Variants in SYNJ2 observed in about 807,000 individuals in gnomAD.
SYNJ2 encodes synaptojanin 2, also known as polyphosphatidylinositol phosphatase SYNJ2.
A neutral mutation model predicts 141.3 loss-of-function variants in SYNJ2; 116 were observed. That is an observed-to-expected ratio of 0.82 (90% CI 0.71 to 0.96). The LOEUF (loss-of-function observed/expected upper bound fraction) is 0.96, where lower values mean the gene tolerates loss of function less well. Ranked by LOEUF, SYNJ2 falls within the 40% of genes least tolerant of loss-of-function variation. The pLI, the probability that SYNJ2 is intolerant of heterozygous loss-of-function variation, is 0.00. For synonymous variants in SYNJ2, 745 were observed against 777.7 expected, an observed-to-expected ratio of 0.96 and a Z score of 0.70; for missense variants, 1,873 against 1,934.8, an observed-to-expected ratio of 0.97 and a Z score of 0.60.
intron 1 of SYNJ2, chr6:158,001,116 A>C: frequency 6.7e-6 from 1 of 150,008 alleles, no homozygotes; most frequent in Non-Finnish European, 1.5e-5. Context: ...CCCAGCTCTT[A>C]GTGACTCTAG....
rs71542910 is a variant in SYNJ2 at position 157,989,908 on chromosome 6, T to TGGGG, written c.127+7825_127+7828dup. 1.8e-4 allele frequency among the ~76,000 whole-genome samples: 27 copies of TGGGG among 151,714 alleles called. No homozygotes were observed. In the South Asian group the frequency reaches 5.0e-3, roughly 28 times the overall value. The stretch of plus-strand genomic sequence containing the variant: ...GTCTTCCTGACCCTGTGGGCTTTTC[T>TGGGG]GGGGGGGGCTAGGAGGCTCTGCCAA... On this transcript the variant is annotated intron_variant, in intron 1 of 26. Transcript: ENST00000355585.
At chr6:157,984,828 C>A (rs903038148) in intron 1 of SYNJ2, among the ~76,000 whole-genome samples, 2 of 152,170 alleles carry the variant, frequency 1.3e-5, no homozygotes, top group East Asian at 3.8e-4. Flanking sequence ...AGTTCCGAGT[C>A]GGGGGTAGCT....
At chr6:158,022,139 T>C (rs556405861) in intron 2 of SYNJ2, among the ~76,000 whole-genome samples, 2 of 152,322 alleles carry the variant, frequency 1.3e-5, no homozygotes, top group Admixed American at 6.5e-5. Context: ...TCAAGGGTCA[T>C]CTGGCCGAAG....
At chr6:158,083,344 G>A (rs1782822314) in intron 20 of SYNJ2, 85 bp from the exon 21 acceptor site, 19 of 1,506,452 alleles carry the variant, frequency 1.3e-5, no homozygotes, top group Non-Finnish European at 1.5e-5. Context: ...TTGAGGGTGT[G>A]TGGGTTTTGG....
At chr6:158,042,095 C>T (rs1263551574) in intron 4 of SYNJ2, among the ~76,000 whole-genome samples, 8 of 152,350 alleles carry the variant, frequency 5.3e-5, no homozygotes, top group Admixed American at 1.3e-4. Context: ...GCACACACGC[C>T]GGTCAGTTGT....
chr6:158,043,810 G>T lies in SYNJ2; in HGVS notation c.795+411G>T, dbSNP rs1302531744. ...TCAGGAAGGCTCTGTGGCTGCGTAG[G>T]TCTGGCACCCGGTGCTGCCTGTTGT... On this transcript the variant is annotated intron_variant, in intron 5 of 26. Transcript: ENST00000355585. The surrounding 1 kb of genome is among the most constrained non-coding windows in gnomAD (Gnocchi z 4.0). Among the ~76,000 whole-genome samples, 1 of 152,280 alleles carries T rather than the reference G, an allele frequency of 6.6e-6. No individual in the cohort carries two copies. Among genetic ancestry groups the T allele is most frequent in the African/African-American group, 2.4e-5 (1 of 41,564 alleles).
chr6:158,009,637 C>G (rs1267790486), intron 1 of SYNJ2, among the ~76,000 whole-genome samples: 1 of 152,156 alleles, frequency 6.6e-6, no homozygotes, highest in African/African-American at 2.4e-5. Flanking sequence ...GGAAATGCAA[C>G]TAAAAGCGTG....
chr6:158,055,550 A>G (rs1562362957), intron 6 of SYNJ2, among the ~76,000 whole-genome samples: 1 of 150,246 alleles, frequency 6.7e-6, no homozygotes, highest in Non-Finnish European at 1.5e-5. Flanking sequence ...TAAATACACA[A>G]ATTGGATCAT....
rs745323065 is a variant in SYNJ2, at chr6:158,064,618, C to A, written c.1227C>A (p.Leu409=). 8 of 1,613,848 alleles carry A rather than the reference C, an allele frequency of 5.0e-6. No individual in the cohort carries two copies. The Admixed American group carries it at 6.7e-5, about 13-fold the overall frequency. The change falls in exon 10 of 27, where the codon CTC becomes CTA. Residue 409 remains leucine (L), a synonymous_variant. Coordinates refer to ENST00000355585, the MANE Select transcript of SYNJ2 (RefSeq NM_003898.4). The part of the protein sequence containing the change: ...FIALEVLHLQ[L]KTLGLSSKPI... The stretch of plus-strand genomic sequence containing the variant: ...CTCCCCAGGTCCTGCATCTGCAGCT[C>A]AAGACCCTGGGGCTGAGTTCAAAAC...
At chr6:158,090,905 T>A (rs1407682962) in intron 25 of SYNJ2, among the ~76,000 whole-genome samples, 1 of 152,164 alleles carries the variant, frequency 6.6e-6, no homozygotes, top group Non-Finnish European at 1.5e-5. Context: ...TTAGTCAGCA[T>A]GTTTAACTTC....
chr6:158,046,105 G>C (rs892664286), intron 5 of SYNJ2, among the ~76,000 whole-genome samples: 8 of 152,222 alleles, frequency 5.3e-5, no homozygotes, highest in African/African-American at 1.7e-4. Flanking sequence ...ACCATGCCTG[G>C]CTAATTTTTT....
At chr6:157,987,431 T>A (rs1562306769) in intron 1 of SYNJ2, among the ~76,000 whole-genome samples, 1 of 152,156 alleles carries the variant, frequency 6.6e-6, no homozygotes, top group Non-Finnish European at 1.5e-5. Context: ...GGTGGAGTCT[T>A]GCTCTCTCAC....
intron 1 of SYNJ2, chr6:158,002,339 C>G (rs142701996): frequency 6.6e-6 from 1 of 152,204 alleles, no homozygotes; most frequent in Non-Finnish European, 1.5e-5. Flanking sequence ...GTGGGTCGCA[C>G]CACATGGCTT....
At chr6:158,088,149 C>T (rs1783202211) in intron 23 of SYNJ2, among the ~76,000 whole-genome samples, 1 of 147,058 alleles carries the variant, frequency 6.8e-6, no homozygotes, top group Non-Finnish European at 1.5e-5. Context: ...AAGCCTTGAC[C>T]TCCCCGGCTC....
intron 4 of SYNJ2, among the ~76,000 whole-genome samples, chr6:158,042,884 A>G (rs549566065): frequency 3.3e-5 from 5 of 152,188 alleles, no homozygotes; most frequent in Non-Finnish European, 5.9e-5. Context: ...ATTTTATTTC[A>G]TTCAGTCCTT....
chr6:158,018,374 G>A (rs1388431839), intron 2 of SYNJ2, among the ~76,000 whole-genome samples: 1 of 152,170 alleles, frequency 6.6e-6, no homozygotes, highest in Middle Eastern at 3.2e-3. Context: ...GAGCCCAGTC[G>A]CATTCCTGAT....
chr6:158,063,564 C>A (rs989659763), intron 8 of SYNJ2, among the ~76,000 whole-genome samples: 1 of 143,156 alleles, frequency 7.0e-6, no homozygotes, highest in African/African-American at 2.6e-5. Flanking sequence ...AAGGCTGAGA[C>A]AGGAGAATCG....
intron 15 of SYNJ2, among the ~76,000 whole-genome samples, chr6:158,072,256 T>G (rs1271386745): frequency 6.6e-6 from 1 of 152,234 alleles, no homozygotes; most frequent in African/African-American, 2.4e-5. Flanking sequence ...GGACCCTTTT[T>G]GACTGGGAAC....
At chr6:158,087,065 G>T in intron 23 of SYNJ2, 76 bp downstream of exon 23, 3 of 1,518,320 alleles carry the variant, frequency 2.0e-6, no homozygotes, top group Admixed American at 3.6e-5. Flanking sequence ...TGAAAACACG[G>T]CTCCGAATCC....
Sources: allele counts gnomAD v4.1 joint callset (sites outside exome capture counted in the v4.1 genomes callset), GRCh38; gene constraint gnomAD v4.1.1; non-coding constraint Gnocchi (gnomAD v3.1); transcripts MANE v1.5; gene names NCBI Gene and HGNC (gene_info 2026-07-23, HGNC 2026-07-21).